Variants in SLC6A19 observed in about 807,000 individuals in gnomAD.
The protein encoded by SLC6A19 is sodium-dependent neutral amino acid transporter B(0)AT1.
A neutral mutation model predicts 68.3 loss-of-function variants in SLC6A19; 67 were observed. That is an observed-to-expected ratio of 0.98 (90% CI 0.81 to 1.20). SLC6A19 has a LOEUF of 1.20. Among genes scored for constraint, SLC6A19 ranks in the 50% most tolerant of loss-of-function variants. The pLI, the probability that SLC6A19 is intolerant of heterozygous loss-of-function variation, is 0.00. For missense variants in SLC6A19, 813 were observed against 851.6 expected, an observed-to-expected ratio of 0.95 and a Z score of 0.56; for synonymous variants, 392 against 374.9, an observed-to-expected ratio of 1.05 and a Z score of -0.53.
rs774868583 is a variant in SLC6A19, at chr5:1,213,977, A to G, written c.799A>G (p.Thr267Ala). The G allele has an allele frequency of 4.3e-6, 7 of 1,613,456 alleles. No individual in the cohort carries two copies. The highest frequency in any genetic ancestry group is 2.2e-5 in the East Asian group (1 of 44,872). ...GGTCACGGAGCTGGCCCAGCCGGAC[A>G]CCTGGCTGGACGCGGGCGCACAGGT... ...PNVTELAQPD[T>A]WLDAGAQVFF... Residue 267 changes from threonine (T) to alanine (A), a missense_variant, in exon 6 of 12, where the codon ACC (threonine) becomes GCC (alanine). Coordinates refer to ENST00000304460, the MANE Select transcript of SLC6A19 (RefSeq NM_001003841.3).
intron 1 of SLC6A19, among the ~76,000 whole-genome samples, chr5:1,207,246 C>T (rs1280112877): frequency 6.6e-6 from 1 of 152,200 alleles, no homozygotes; most frequent in Non-Finnish European, 1.5e-5. Context: ...TGTCCCTCCT[C>T]GCCCTCTGCC....
intron 5 of SLC6A19, 45 bp from the exon 6 acceptor site, chr5:1,213,908 G>A: frequency 6.2e-7 from 1 of 1,609,140 alleles, no homozygotes; most frequent in Non-Finnish European, 8.5e-7. Context: ...GGTCCCCATG[G>A]CCCCATCTGC....
At chr5:1,206,117 A>G (rs1486244091) in intron 1 of SLC6A19, among the ~76,000 whole-genome samples, 1 of 152,218 alleles carries the variant, frequency 6.6e-6, no homozygotes, top group Non-Finnish European at 1.5e-5. Flanking sequence ...CCAAGTGGAC[A>G]CAGAGGGAGG....
chr5:1,205,608 A>G (rs371161259), intron 1 of SLC6A19, among the ~76,000 whole-genome samples: 5 of 152,378 alleles, frequency 3.3e-5, no homozygotes, highest in African/African-American at 1.2e-4. Context: ...AAGGATGAGT[A>G]GGAGTTTTCT....
chr5:1,214,185 A>C lies in SLC6A19; in HGVS notation c.887+120A>C, dbSNP rs1231471035. 2 of 1,531,774 alleles carry C rather than the reference A, an allele frequency of 1.3e-6. No individual in the cohort carries two copies. The highest frequency in any genetic ancestry group is 4.8e-5 in the East Asian group (2 of 41,290). The allele number at this position is 1,531,774 out of a possible 1,614,324, so 94.9% of individuals were successfully genotyped here. On this transcript the variant is annotated intron_variant, in intron 6 of 11. Transcript: ENST00000304460. The surrounding 1 kb of genome is among the most constrained non-coding windows in gnomAD (Gnocchi z 7.4). ...GTGTGGCCGGGGCCTTGCTGCCCCG[A>C]TGGGCCCGTTCCCTCCTGCTCGGGG...
At chr5:1,216,495 C>G (rs1048233303) in intron 6 of SLC6A19, 63 bp from the exon 7 acceptor site, 1 of 1,611,792 alleles carries the variant, frequency 6.2e-7, no homozygotes. Flanking sequence ...CGGATGCTGC[C>G]CTGGGCTGTG....
intron 8 of SLC6A19, among the ~76,000 whole-genome samples, chr5:1,217,979 G>A (rs1287463803): frequency 6.6e-6 from 1 of 151,922 alleles, no homozygotes; most frequent in African/African-American, 2.4e-5. Flanking sequence ...ATTCCGAGAA[G>A]CACCAGAGTT....
intron 8 of SLC6A19, among the ~76,000 whole-genome samples, chr5:1,218,245 G>T (rs191408271): frequency 1.3e-5 from 2 of 152,342 alleles, no homozygotes; most frequent in Admixed American, 1.3e-4. Flanking sequence ...CTTCAGATGG[G>T]TCCTTGAGTC....
Position 1,209,267 on chromosome 5 carries a change from G to C in SLC6A19, c.343+381G>C, listed in dbSNP as rs1003131422. 3.3e-5 allele frequency among the ~76,000 whole-genome samples: 5 copies of C among 152,080 alleles called. No homozygotes were observed. Among genetic ancestry groups the C allele is most frequent in the African/African-American group, 1.2e-4 (5 of 41,406 alleles). On this transcript the variant is annotated intron_variant, in intron 2 of 11. Coordinates refer to ENST00000304460, the MANE Select transcript of SLC6A19 (RefSeq NM_001003841.3). The surrounding 1 kb of genome is among the most constrained non-coding windows in gnomAD (Gnocchi z 5.5). ...CCCACACCTAGTGAGGAGGTCCCCAGCACTGACACCCCCAGACATAGTCAC... is the reference window on the plus strand; with the variant it reads ...CCCACACCTAGTGAGGAGGTCCCCACCACTGACACCCCCAGACATAGTCAC...
At position 1,219,618 on chromosome 5, in the gene SLC6A19, G is replaced by A. The variant is rs768027310; in HGVS notation, c.1492G>A (p.Ala498Thr). 2.1e-5 allele frequency: 34 copies of A among 1,609,632 alleles called. No homozygotes were observed. The Middle Eastern group carries it at 4.9e-4, about 23-fold the overall frequency. Residue 498 changes from alanine (A) to threonine (T), a missense_variant, in exon 10 of 12, where the codon GCC becomes ACC. Transcript: ENST00000304460. ...CGGCTCCATTCCCCTGCTCATCATC[G>A]CCTTCTGCGAGATGTTCTCTGTGGT... Reference protein sequence around the residue: ...YAGSIPLLIIAFCEMFSVVYV... With the variant: ...YAGSIPLLIITFCEMFSVVYV...
At position 1,213,452 on chromosome 5, in the gene SLC6A19, G is replaced by A. The variant is rs574918096; in HGVS notation, c.664-11G>A. On this transcript the variant is annotated splice_polypyrimidine_tract_variant and intron_variant, in intron 4 of 11. Coordinates refer to ENST00000304460, the MANE Select transcript of SLC6A19 (RefSeq NM_001003841.3). ...ACTTCCCGCCCATCCCACATGTCCC[G>A]CCCTCCGCAGGCCGTGTACATCACC... The A allele has an allele frequency of 3.5e-5, 43 of 1,221,676 alleles. No individual in the cohort carries two copies. In the East Asian group the frequency reaches 6.4e-4, roughly 18 times the overall value. The allele number at this position is 1,221,676 out of a possible 1,614,324, so 75.7% of individuals were successfully genotyped here. A position where few individuals can be genotyped will look rare whatever the true frequency, so the allele number is the denominator to read the frequency against.
At chr5:1,203,230 A>G (rs1745764464) in intron 1 of SLC6A19, among the ~76,000 whole-genome samples, 2 of 152,176 alleles carry the variant, frequency 1.3e-5, no homozygotes, top group Admixed American at 1.3e-4. Context: ...CTTTGCACAG[A>G]AGGGCAAGTT....
intron 11 of SLC6A19, 53 bp from the exon 12 acceptor site, chr5:1,221,648 T>G (rs2126515785): frequency 6.2e-7 from 1 of 1,607,618 alleles, no homozygotes; most frequent in Non-Finnish European, 8.5e-7. Flanking sequence ...TGCCTCAAAG[T>G]GAACCCCACT....
intron 3 of SLC6A19, 85 bp downstream of exon 3, chr5:1,210,666 G>C (rs1208894273): frequency 1.0e-5 from 16 of 1,584,266 alleles, no homozygotes; most frequent in Non-Finnish European, 1.4e-5. Context: ...AGGAAACTCA[G>C]GTCAGGCGTG....
rs1384018892 is a variant in SLC6A19, at chr5:1,222,662, CAT to C, written c.*761_*762del. On this transcript the variant is annotated 3_prime_UTR_variant, in exon 12 of 12. Coordinates refer to ENST00000304460, the MANE Select transcript of SLC6A19 (RefSeq NM_001003841.3). Reference sequence around the variant, plus strand: ...GCATGCCAGTGTGTATGTATGTGCGCATATGGACACGCATGGACACGCATATG... The same window carrying C: ...GCATGCCAGTGTGTATGTATGTGCGCATGGACACGCATGGACACGCATATG... 2 of 217,616 alleles carry C rather than the reference CAT, an allele frequency of 9.2e-6. No individual in the cohort carries two copies. Among genetic ancestry groups the C allele is most frequent in the Non-Finnish European group, 1.8e-5 (2 of 109,976 alleles). The allele number at this position is 217,616 out of a possible 1,614,324, so 13.5% of individuals were successfully genotyped here.
Position 1,218,812 on chromosome 5 carries a change from G to C in SLC6A19, c.1174-91G>C, listed in dbSNP as rs1032249886. Reference sequence around the variant, plus strand: ...AGCTCAGACCTGCCCGCCCCATGCTGCGTGGCTTGGCGACGCACGAGACCT... The same window carrying C: ...AGCTCAGACCTGCCCGCCCCATGCTCCGTGGCTTGGCGACGCACGAGACCT... On this transcript the variant is annotated intron_variant, in intron 8 of 11. Transcript: ENST00000304460. 4 of 1,356,252 alleles carry C rather than the reference G, an allele frequency of 2.9e-6. No homozygotes were observed. In the African/African-American group the frequency reaches 5.7e-5, roughly 19 times the overall value. 84.0% of individuals were successfully genotyped at this position (1,356,252 alleles called of 1,614,324 possible).
At chr5:1,221,424 T>C in intron 11 of SLC6A19, 111 bp downstream of exon 11, 10 of 1,352,510 alleles carry the variant, frequency 7.4e-6, no homozygotes, top group Non-Finnish European at 9.3e-6. Context: ...CCCACACACA[T>C]GGGCACACAC....
chr5:1,214,420 C>T lies in SLC6A19; in HGVS notation c.887+355C>T, dbSNP rs575843631. ...GCATCCCAGGCCCCCAGACATGTGG[C>T]GCCCCCGACGCCCTCCACGTCCCCG... On this transcript the variant is annotated intron_variant, in intron 6 of 11. Transcript: ENST00000304460. The surrounding 1 kb of genome is among the most constrained non-coding windows in gnomAD (Gnocchi z 7.4). Among the ~76,000 whole-genome samples the T allele has an allele frequency of 2.8e-4, 42 of 152,266 alleles. No homozygotes were observed. The highest frequency in any genetic ancestry group is 3.4e-3 in the Middle Eastern group (1 of 294).
intron 10 of SLC6A19, among the ~76,000 whole-genome samples, chr5:1,220,676 A>G (rs1174563067): frequency 6.6e-6 from 1 of 152,188 alleles, no homozygotes; most frequent in Non-Finnish European, 1.5e-5. Context: ...GCTTGGGTGT[A>G]ACCTTCTGCC....
Sources: gnomAD v4.1 joint callset for allele counts (sites outside exome capture counted in the v4.1 genomes callset) on GRCh38, gnomAD v4.1.1 for gene constraint, Gnocchi (gnomAD v3.1) non-coding constraint, MANE v1.5 for transcripts, NCBI Gene and HGNC (gene_info 2026-07-23, HGNC 2026-07-21) for gene names.